The following KATNIP variants were observed in gnomAD, a reference collection of about 807,000 sequenced individuals.
KATNIP encodes katanin interacting protein, also known as katanin-interacting protein.
A neutral mutation model predicts 174.0 loss-of-function variants in KATNIP; 126 were observed. The ratio of observed to expected loss-of-function variants is 0.72; its 90% CI spans 0.63 to 0.84. KATNIP has a LOEUF of 0.84. KATNIP is among the 40% of genes least tolerant of loss of function. KATNIP has a pLI of 0.00. For synonymous variants in KATNIP, 810 were observed against 835.7 expected (o/e 0.97, Z 0.53); for missense variants, 1,958 against 2,109.7 (o/e 0.93, Z 1.41).
chr16:27,628,575 G>A (rs942846342), intron 3 of KATNIP, 86 bp from the exon 4 acceptor site: 20 of 1,399,038 alleles, frequency 1.4e-5, no homozygotes, highest in Admixed American at 1.9e-5. Flanking sequence ...CTTCACTGTG[G>A]GAACAGCAGT....
chr16:27,646,664 G>C (rs2076966945), intron 5 of KATNIP, among the ~76,000 whole-genome samples: 1 of 152,206 alleles, frequency 6.6e-6, no homozygotes, highest in Non-Finnish European at 1.5e-5. Flanking sequence ...AGGGCAAGAA[G>C]GTGGGCTGTG....
At chr16:27,565,781 A>AT (rs1389221896) in intron 1 of KATNIP, among the ~76,000 whole-genome samples, 2 of 151,698 alleles carry the variant, frequency 1.3e-5, no homozygotes, top group Non-Finnish European at 2.9e-5. Flanking sequence ...GAGATGTCTC[A>AT]TAAAAAAAAC....
In KATNIP at chr16:27,756,260, C is replaced by T. The variant is rs1253404704; in HGVS notation, c.3631+2009C>T. 2.0e-5 allele frequency among the ~76,000 whole-genome samples: 3 copies of T among 152,238 alleles called. No individual in the cohort carries two copies. In the East Asian group the frequency reaches 5.8e-4, roughly 29 times the overall value. ...GTGCCTTATTTGGAATTCTCATAGC[C>T]CCTTACATTCCAGGGCGCACTCTCA... is the stretch of plus-strand genomic sequence containing the variant. On this transcript the variant is annotated intron_variant, in intron 18 of 27. Transcript: ENST00000261588.
At chr16:27,617,571 G>C (rs1216910182) in intron 2 of KATNIP, among the ~76,000 whole-genome samples, 1 of 152,194 alleles carries the variant, frequency 6.6e-6, no homozygotes, top group Non-Finnish European at 1.5e-5. Flanking sequence ...AGAAGGGGCT[G>C]AGCAGTTCCC....
chr16:27,592,538 A>G (rs548966403), intron 2 of KATNIP, among the ~76,000 whole-genome samples: 2 of 152,006 alleles, frequency 1.3e-5, no homozygotes, highest in Non-Finnish European at 2.9e-5. Flanking sequence ...AGATCACTTG[A>G]GCCCAGGATG....
chr16:27,710,995 A>G (rs986208229), intron 13 of KATNIP, among the ~76,000 whole-genome samples: 2 of 152,174 alleles, frequency 1.3e-5, no homozygotes, highest in Non-Finnish European at 2.9e-5. Context: ...TGCAAGCTGA[A>G]AAATGGGAGA....
intron 2 of KATNIP, among the ~76,000 whole-genome samples, chr16:27,582,454 C>G (rs1216767383): frequency 3.9e-5 from 6 of 152,128 alleles, no homozygotes; most frequent in African/African-American, 1.4e-4. Flanking sequence ...TGTATTCCCA[C>G]TTGCGAAATT....
intron 5 of KATNIP, among the ~76,000 whole-genome samples, chr16:27,647,535 C>T (rs1319652862): frequency 2.8e-5 from 4 of 141,322 alleles, no homozygotes; most frequent in African/African-American, 8.0e-5. Context: ...AATGGAGTTT[C>T]GCTCTTGTTG....
Position 27,677,816 on chromosome 16 carries a change from G to T in KATNIP, c.628G>T (p.Asp210Tyr), listed in dbSNP as rs147094899. The T allele has an allele frequency of 1.1e-3, 1,763 of 1,614,204 alleles. 16 individuals are homozygous for T. The African/African-American group carries it at 0.019, about 17-fold the overall frequency. Reference sequence around the variant, plus strand: ...CGATGAGTATGACTCTATTGAGGAAGACATACTCTCTGAGCCTGAGCCAGA... The same window carrying T: ...CGATGAGTATGACTCTATTGAGGAATACATACTCTCTGAGCCTGAGCCAGA... ...SSDEYDSIEE[D>Y]ILSEPEPEDP... Residue 210 changes from aspartate (D) to tyrosine (Y), a missense_variant, in exon 7 of 28, where the codon GAC (aspartate) becomes TAC (tyrosine). Coordinates refer to ENST00000261588, the MANE Select transcript of KATNIP (RefSeq NM_015202.5).
intron 15 of KATNIP, among the ~76,000 whole-genome samples, chr16:27,748,265 ACC>A (rs1379319565): frequency 1.3e-5 from 2 of 152,064 alleles, no homozygotes; most frequent in Non-Finnish European, 2.9e-5. Flanking sequence ...CTTATAATAT[ACC>A]TGGCTTAATG....
Position 27,777,784 on chromosome 16 carries a change from C to T in KATNIP, c.4712+14C>T, listed in dbSNP as rs777116629. On this transcript the variant is annotated intron_variant, in intron 26 of 27. Coordinates refer to ENST00000261588, the MANE Select transcript of KATNIP (RefSeq NM_015202.5). The surrounding 1 kb of genome is among the most constrained non-coding windows in gnomAD (Gnocchi z 4.4). ...CACCACCATCAGGTAGGGCCCCAGC[C>T]GGCCCCATGGCCTCCCCACCAGCCC... 2.5e-5 allele frequency: 41 copies of T among 1,612,788 alleles called. No individual in the cohort carries two copies. Among genetic ancestry groups the T allele is most frequent in the South Asian group, 2.3e-4 (21 of 90,912 alleles).
intron 14 of KATNIP, among the ~76,000 whole-genome samples, chr16:27,733,564 G>GACACAC (rs10558929): frequency 7.6e-4 from 109 of 143,376 alleles, no homozygotes; most frequent in South Asian, 3.9e-3. Flanking sequence ...AAACAAGAAG[G>GACACAC]ACACACACAC....
chr16:27,679,427 G>A (rs893182211), intron 7 of KATNIP, among the ~76,000 whole-genome samples: 2 of 152,132 alleles, frequency 1.3e-5, no homozygotes, highest in Non-Finnish European at 2.9e-5. Flanking sequence ...CCCAAATACA[G>A]TCAGGGGTAC....
intron 6 of KATNIP, among the ~76,000 whole-genome samples, chr16:27,655,550 A>G (rs947169272): frequency 6.6e-6 from 1 of 151,958 alleles, no homozygotes; most frequent in African/African-American, 2.4e-5. Flanking sequence ...GCGCCTGGCC[A>G]GAAGATGTAA....
intron 12 of KATNIP, among the ~76,000 whole-genome samples, chr16:27,704,964 G>T (rs2079244802): frequency 6.9e-6 from 1 of 144,708 alleles, no homozygotes; most frequent in Admixed American, 7.1e-5. Flanking sequence ...AGGCTGGAGT[G>T]CAGTGGCACC....
Position 27,769,881 on chromosome 16 carries a change from C to G in KATNIP, c.3996C>G (p.Ser1332=), listed in dbSNP as rs956054573. 1 of 1,613,998 alleles carries G rather than the reference C, an allele frequency of 6.2e-7. No homozygotes were observed. The highest frequency in any genetic ancestry group is 8.5e-7 in the Non-Finnish European group (1 of 1,179,984). ...TYRGAKIVHV[S]LDGLCVSPPE... ...GCCAGGCCAAGATTGTCCACGTCTC[C>G]CTGGATGGCCTGTGCGTCTCCCCGC... The change falls in exon 21 of 28, where the codon TCC becomes TCG. Residue 1332 remains serine (S), a synonymous_variant. Transcript: ENST00000261588.
At chr16:27,763,460 A>AAT (rs1203684289) in intron 19 of KATNIP, among the ~76,000 whole-genome samples, 1 of 149,026 alleles carries the variant, frequency 6.7e-6, no homozygotes, top group African/African-American at 2.5e-5. Flanking sequence ...AAAAAAAAAA[A>AAT]AAAAAAATAG....
chr16:27,778,455 G>A (rs890626466), intron 27 of KATNIP, 119 bp from the exon 28 acceptor site: 1 of 987,748 alleles, frequency 1.0e-6, no homozygotes, highest in African/African-American at 1.6e-5. Flanking sequence ...CGAGAGCAGG[G>A]ACTTTTCCAA....
chr16:27,695,147 C>T (rs527376102), intron 8 of KATNIP, among the ~76,000 whole-genome samples: 2 of 152,348 alleles, frequency 1.3e-5, no homozygotes, highest in East Asian at 1.9e-4. Context: ...CCTCCTCCAC[C>T]GCTGTTGCCT....
Sources: gnomAD v4.1 joint callset for allele counts (sites outside exome capture counted in the v4.1 genomes callset) on GRCh38, gnomAD v4.1.1 for gene constraint, Gnocchi (gnomAD v3.1) non-coding constraint, MANE v1.5 for transcripts, NCBI Gene and HGNC (gene_info 2026-07-23, HGNC 2026-07-21) for gene names.